CCDC7: variants seen among roughly 807,000 people sequenced by gnomAD.
The protein encoded by CCDC7 is coiled-coil domain-containing protein 7.
In CCDC7, 183 loss-of-function variants were observed where a neutral mutation model predicts 196.9. That is an observed-to-expected ratio of 0.93 (90% CI 0.82 to 1.05). The LOEUF is 1.05. Ranked by LOEUF, CCDC7 falls within the 50% of genes least tolerant of loss-of-function variation. CCDC7 has a pLI of 0.00. For missense variants in CCDC7, 1,540 were observed against 1,482.2 expected, an observed-to-expected ratio of 1.04 and a Z score of -0.64; for synonymous variants, 525 against 484.6, an observed-to-expected ratio of 1.08 and a Z score of -1.10.
chr10:32,528,697 C>CCT (rs2049085500), intron 11 of CCDC7, among the ~76,000 whole-genome samples: 1 of 146,482 alleles, frequency 6.8e-6, no homozygotes, highest in Non-Finnish European at 1.5e-5. Flanking sequence ...TATACACACA[C>CCT]ATATATATGT....
At chr10:32,719,616 A>G (rs769549405) in intron 25 of CCDC7, among the ~76,000 whole-genome samples, 1 of 152,238 alleles carries the variant, frequency 6.6e-6, no homozygotes, top group Admixed American at 6.5e-5. Flanking sequence ...TTTGCAATCT[A>G]TCCATCTGAC....
At chr10:32,489,162 T>TGG (rs1436182234) in intron 8 of CCDC7, among the ~76,000 whole-genome samples, 2 of 152,150 alleles carry the variant, frequency 1.3e-5, no homozygotes, top group Admixed American at 1.3e-4. Flanking sequence ...ATGATACCTG[T>TGG]GGAGTGGTCA....
intron 24 of CCDC7, among the ~76,000 whole-genome samples, chr10:32,703,040 G>T (rs2079031512): frequency 6.6e-6 from 1 of 152,192 alleles, no homozygotes; most frequent in Admixed American, 6.5e-5. Flanking sequence ...TGTTATGTGT[G>T]AATTTGATCC....
chr10:32,486,073 A>G (rs2041015042), intron 8 of CCDC7, among the ~76,000 whole-genome samples: 3 of 152,262 alleles, frequency 2.0e-5, no homozygotes, highest in South Asian at 4.1e-4. Flanking sequence ...TGTCTCTTTG[A>G]TCTGTCTAAT....
intron 16 of CCDC7, among the ~76,000 whole-genome samples, chr10:32,576,302 TAAAAA>T (rs61171117): frequency 1.4e-5 from 2 of 144,312 alleles, no homozygotes; most frequent in Non-Finnish European, 1.5e-5. Context: ...CAAAGGGGGT[TAAAAA>T]AAAAAAAAAA....
chr10:32,487,515 C>G (rs1304146977), intron 8 of CCDC7, among the ~76,000 whole-genome samples: 1 of 152,202 alleles, frequency 6.6e-6, no homozygotes, highest in Non-Finnish European at 1.5e-5. Flanking sequence ...CAGCTTTGTT[C>G]CATTGCTGGT....
intron 29 of CCDC7, among the ~76,000 whole-genome samples, chr10:32,801,178 C>T (rs2084708264): frequency 6.6e-6 from 1 of 152,174 alleles, no homozygotes; most frequent in African/African-American, 2.4e-5. Context: ...AGGTGCTGCC[C>T]ACACAAATCT....
At chr10:32,733,626 T>C (rs2084354585) in intron 28 of CCDC7, among the ~76,000 whole-genome samples, 1 of 149,050 alleles carries the variant, frequency 6.7e-6, no homozygotes, top group Non-Finnish European at 1.5e-5. Flanking sequence ...CAAATATGTT[T>C]ATTCTGTTCA....
intron 6 of CCDC7, among the ~76,000 whole-genome samples, chr10:32,471,983 A>G (rs561147217): frequency 8.1e-4 from 124 of 152,270 alleles, no homozygotes; most frequent in African/African-American, 2.9e-3. Context: ...TTTGATTTTC[A>G]TAACTACTTT....
chr10:32,855,526 C>G (rs973897885), intron 41 of CCDC7, among the ~76,000 whole-genome samples: 2 of 152,186 alleles, frequency 1.3e-5, no homozygotes, highest in African/African-American at 4.8e-5. Context: ...TCATAAGGAG[C>G]ACACAACCTA....
At chr10:32,836,207 C>G (rs944592485) in intron 33 of CCDC7, among the ~76,000 whole-genome samples, 1 of 151,998 alleles carries the variant, frequency 6.6e-6, no homozygotes, top group South Asian at 2.1e-4. Context: ...CCCCTGAAAC[C>G]ACTGTCATTC....
chr10:32,706,606 A>G (rs1165668073), intron 24 of CCDC7, among the ~76,000 whole-genome samples: 1 of 152,126 alleles, frequency 6.6e-6, no homozygotes, highest in African/African-American at 2.4e-5. Flanking sequence ...GAGAAGAATC[A>G]AATAGACGCA....
At chr10:32,696,392 A>T (rs899162317) in intron 24 of CCDC7, among the ~76,000 whole-genome samples, 3 of 152,080 alleles carry the variant, frequency 2.0e-5, no homozygotes, top group Non-Finnish European at 2.9e-5. Flanking sequence ...GAAATTCTCC[A>T]TGTCCACTTT....
At chr10:32,742,682 GA>G (rs1169380626) in intron 28 of CCDC7, among the ~76,000 whole-genome samples, 1 of 152,158 alleles carries the variant, frequency 6.6e-6, no homozygotes, top group East Asian at 1.9e-4. Flanking sequence ...TCACAGTTCT[GA>G]AGGTTGGGAA....
chr10:32,759,735 T>C (rs2077114679), intron 28 of CCDC7, among the ~76,000 whole-genome samples: 1 of 151,944 alleles, frequency 6.6e-6, no homozygotes, highest in Non-Finnish European at 1.5e-5. Context: ...AAAGGCAAAA[T>C]TGACAAATGG....
At chr10:32,627,134 C>T (rs2064165836) in intron 18 of CCDC7, among the ~76,000 whole-genome samples, 1 of 151,392 alleles carries the variant, frequency 6.6e-6, no homozygotes, top group African/African-American at 2.4e-5. Context: ...CTATAGATTG[C>T]TTTGGGTAGT....
At position 32,518,465 on chromosome 10, in the gene CCDC7, T is replaced by A. The variant is rs879204751; in HGVS notation, c.953T>A (p.Leu318Ter). The A allele has an allele frequency of 2.5e-6, 4 of 1,607,304 alleles. No individual in the cohort carries two copies. In the Admixed American group the frequency reaches 6.8e-5, roughly 27 times the overall value. Residue 318 changes from leucine (L) to a stop codon, truncating the protein, a stop_gained, in exon 11 of 42, where the codon TTG (leucine) becomes TAG (stop). Coordinates refer to ENST00000639629, the Ensembl canonical transcript of CCDC7. LOFTEE classifies it high-confidence loss of function. ...TTTCAGTTGTTATCAGAAGAGAAGT[T>A]GGTGCTGGAAAATGAACTACAAAAG...
At chr10:32,583,818 C>A (rs1054004312) in intron 17 of CCDC7, among the ~76,000 whole-genome samples, 1 of 151,906 alleles carries the variant, frequency 6.6e-6, no homozygotes, top group East Asian at 1.9e-4. Context: ...TGACATGTAT[C>A]CACAATATAT....
chr10:32,739,184 T>C (rs750707738), intron 28 of CCDC7, among the ~76,000 whole-genome samples: 11 of 152,100 alleles, frequency 7.2e-5, no homozygotes, highest in Non-Finnish European at 1.5e-4. Flanking sequence ...TGTCTACCAT[T>C]AATTTTCGAA....
Sources: allele counts gnomAD v4.1 joint callset (sites outside exome capture counted in the v4.1 genomes callset), GRCh38; gene constraint gnomAD v4.1.1; transcripts MANE v1.5; gene names NCBI Gene and HGNC (gene_info 2026-07-23, HGNC 2026-07-21).